MSH3: variants seen among roughly 807,000 people sequenced by gnomAD.
MSH3 encodes DNA mismatch repair protein Msh3.
Under a neutral mutation model 123.3 loss-of-function variants are expected in MSH3, and 106 were observed. The observed-to-expected ratio is 0.86, with a 90% CI of 0.73 to 1.01. MSH3 has a LOEUF of 1.01. Ranked by LOEUF, MSH3 falls within the 50% of genes least tolerant of loss-of-function variation. The pLI, the probability that MSH3 is intolerant of heterozygous loss-of-function variation, is 0.00. For synonymous variants in MSH3, 515 were observed against 481.4 expected (o/e 1.07, Z -0.91); for missense variants, 1,459 against 1,347.6 (o/e 1.08, Z -1.29).
intron 12 of MSH3, among the ~76,000 whole-genome samples, chr5:80,753,523 A>G (rs1246187515): frequency 6.6e-6 from 1 of 152,134 alleles, no homozygotes; most frequent in Non-Finnish European, 1.5e-5. Context: ...AAACTTGACT[A>G]GTTCTGGGAA....
At chr5:80,740,360 CTTT>C (rs747484860) in intron 10 of MSH3, among the ~76,000 whole-genome samples, 3 of 142,170 alleles carry the variant, frequency 2.1e-5, no homozygotes, top group African/African-American at 2.6e-5. Flanking sequence ...TTTCTTTTCT[CTTT>C]TTTTTTTTTT....
chr5:80,699,285 G>A (rs1438549963), intron 8 of MSH3, among the ~76,000 whole-genome samples: 1 of 152,102 alleles, frequency 6.6e-6, no homozygotes, highest in African/African-American at 2.4e-5. Flanking sequence ...AAGGCTGGGC[G>A]TGGTGGCTCA....
intron 8 of MSH3, among the ~76,000 whole-genome samples, chr5:80,723,018 T>C (rs1006902834): frequency 9.9e-5 from 15 of 151,938 alleles, no homozygotes; most frequent in African/African-American, 3.6e-4. Context: ...TGAAGGAGGA[T>C]TGCTTCAGCC....
chr5:80,706,288 G>C (rs1021924821), intron 8 of MSH3, among the ~76,000 whole-genome samples: 1 of 152,128 alleles, frequency 6.6e-6, no homozygotes, highest in Non-Finnish European at 1.5e-5. Flanking sequence ...GACTCAAAAG[G>C]CGTATGATTG....
At chr5:80,770,347 A>T (rs1744195497) in intron 15 of MSH3, among the ~76,000 whole-genome samples, 1 of 151,980 alleles carries the variant, frequency 6.6e-6, no homozygotes, top group Non-Finnish European at 1.5e-5. Flanking sequence ...ACGACCATGG[A>T]AGAGTTACCT....
At chr5:80,675,935 AATG>A (rs776767298) in intron 7 of MSH3, among the ~76,000 whole-genome samples, 8 of 152,252 alleles carry the variant, frequency 5.3e-5, no homozygotes, top group Non-Finnish European at 7.3e-5. Context: ...GTTAAAGAGA[AATG>A]ATAATTGGCT....
chr5:80,727,244 T>C (rs1743317766), intron 9 of MSH3, among the ~76,000 whole-genome samples: 1 of 152,222 alleles, frequency 6.6e-6, no homozygotes, highest in African/African-American at 2.4e-5. Flanking sequence ...ACACCATCTT[T>C]GTCATGTTTT....
In MSH3 at chr5:80,701,105, A is replaced by G. The variant is rs138457116; in HGVS notation, c.1340+22012A>G. ...GTTAATATATTAAAAGTGCTTTTAA[A>G]TGATTTATTATTAGCATCTTAAAAA... On this transcript the variant is annotated intron_variant, in intron 8 of 23. Transcript: ENST00000265081. 7.0e-4 allele frequency among the ~76,000 whole-genome samples: 107 copies of G among 152,346 alleles called. 1 individual carries two copies. Among genetic ancestry groups the G allele is most frequent in the African/African-American group, 2.4e-3 (101 of 41,584 alleles).
At position 80,796,350 on chromosome 5, in the gene MSH3, A is replaced by C. The variant is rs537083238; in HGVS notation, c.2655+3506A>C. Among the ~76,000 whole-genome samples the C allele has an allele frequency of 4.1e-4, 62 of 152,302 alleles. 2 individuals carry two copies. The highest frequency in any genetic ancestry group is 1.4e-3 in the African/African-American group (59 of 41,572). The stretch of plus-strand genomic sequence containing the variant: ...TCTTACATTTAAATCTTTACAAAGT[A>C]AATGGAGTAATTTTTTTTTCAAGCA... On this transcript the variant is annotated intron_variant, in intron 19 of 23. Coordinates refer to ENST00000265081, the MANE Select transcript of MSH3 (RefSeq NM_002439.5).
intron 20 of MSH3, among the ~76,000 whole-genome samples, chr5:80,819,366 GTGTATATATA>G (rs1202341460): frequency 2.9e-5 from 2 of 70,124 alleles, no homozygotes; most frequent in African/African-American, 5.2e-5. Context: ...ATATATATGT[GTGTATATATA>G]TGTGTATATA....
intron 19 of MSH3, among the ~76,000 whole-genome samples, chr5:80,795,880 G>A (rs939540882): frequency 1.3e-4 from 20 of 151,540 alleles, no homozygotes; most frequent in African/African-American, 1.9e-4. Flanking sequence ...GCATGGTGGC[G>A]CCTCCCTATG....
intron 19 of MSH3, among the ~76,000 whole-genome samples, chr5:80,809,972 A>G (rs532943955): frequency 3.3e-5 from 5 of 151,950 alleles, no homozygotes; most frequent in Non-Finnish European, 7.4e-5. Context: ...TTTACCCATC[A>G]CACAAATGTC....
At chr5:80,707,884 G>A (rs1750758424) in intron 8 of MSH3, among the ~76,000 whole-genome samples, 1 of 152,122 alleles carries the variant, frequency 6.6e-6, no homozygotes, top group Non-Finnish European at 1.5e-5. Flanking sequence ...GTTAGTGTAT[G>A]GTGTCATGTT....
chr5:80,711,127 C>G, intron 8 of MSH3, among the ~76,000 whole-genome samples: 1 of 152,160 alleles, frequency 6.6e-6, no homozygotes, highest in East Asian at 1.9e-4. Flanking sequence ...ACGAGTTTAC[C>G]TAGTATAGAC....
At chr5:80,665,785 T>C (rs1247750029) in intron 3 of MSH3, among the ~76,000 whole-genome samples, 9 of 152,246 alleles carry the variant, frequency 5.9e-5, no homozygotes, top group Admixed American at 5.2e-4. Flanking sequence ...TAAATTCAAA[T>C]GTAAGCCAAA....
chr5:80,829,778 A>G lies in MSH3; in HGVS notation c.2813+16037A>G, dbSNP rs532162323. Among the ~76,000 whole-genome samples the G allele has an allele frequency of 1.3e-3, 195 of 152,278 alleles. 1 individual carries two copies. The highest frequency in any genetic ancestry group is 2.5e-3 in the Non-Finnish European group (171 of 68,012). Reference sequence around the variant, plus strand: ...GTCAGGAAGTATTCCCTCTGCTTCTATTGTCTGAAACAGATTATAGAGAAT... The same window carrying G: ...GTCAGGAAGTATTCCCTCTGCTTCTGTTGTCTGAAACAGATTATAGAGAAT... On this transcript the variant is annotated intron_variant, in intron 20 of 23. Coordinates refer to ENST00000265081, the MANE Select transcript of MSH3 (RefSeq NM_002439.5).
chr5:80,735,596 C>T (rs530581151), intron 10 of MSH3, among the ~76,000 whole-genome samples: 1 of 152,060 alleles, frequency 6.6e-6, no homozygotes, highest in South Asian at 2.1e-4. Flanking sequence ...GAGGCTGAGG[C>T]AGGAGAATTG....
rs1554068398 is a variant in MSH3 at position 80,693,416 on chromosome 5, T to TATAG, written c.1340+14327_1340+14330dup. On this transcript the variant is annotated intron_variant, in intron 8 of 23. Transcript: ENST00000265081. ...ATATACATGCACATGTATATGTTTA[T>TATAG]ATAGATATACATGCACATGTATATG... is the stretch of plus-strand genomic sequence containing the variant. 7.7e-5 allele frequency among the ~76,000 whole-genome samples: 4 copies of TATAG among 52,030 alleles called. 1 individual carries two copies. Among genetic ancestry groups the TATAG allele is most frequent in the African/African-American group, 1.8e-4 (2 of 11,036 alleles). The allele number at this position is 52,030 out of a possible 152,430, so 34.1% of individuals were successfully genotyped here.
rs144798521 is a variant in MSH3 at position 80,725,473 on chromosome 5, G to A, written c.1361G>A (p.Arg454Gln). The stretch of plus-strand genomic sequence containing the variant: ...TTCAGTGTGCAGGATGACAGAATTC[G>A]AGTCGAAAGGATGGATAACATTTAT... ...TSVSVQDDRI[R>Q]VERMDNIYFE... is the part of the protein sequence containing the mutation. The change falls in exon 9 of 24, where the codon CGA becomes CAA. Residue 454 changes from arginine to glutamine, a missense_variant. Arg to Gln is a conservative substitution (Grantham distance 43). Transcript: ENST00000265081. 120 of 1,613,422 alleles carry A rather than the reference G, an allele frequency of 7.4e-5. 2 individuals are homozygous for A. In the South Asian group the frequency reaches 8.8e-4, roughly 12 times the overall value.
Sources: gnomAD v4.1 joint callset for allele counts (sites outside exome capture counted in the v4.1 genomes callset) on GRCh38, gnomAD v4.1.1 for gene constraint, MANE v1.5 for transcripts, NCBI Gene and HGNC (gene_info 2026-07-23, HGNC 2026-07-21) for gene names.